Variants in OCA2 observed in about 807,000 individuals in gnomAD.
The protein encoded by OCA2 is P protein.
In OCA2, 77 loss-of-function variants were observed where a neutral mutation model predicts 100.2. The observed-to-expected ratio is 0.77, with a 90% confidence interval of 0.64 to 0.93. The LOEUF is 0.93. Ranked by LOEUF, OCA2 falls within the 40% of genes least tolerant of loss-of-function variation. OCA2 has a pLI of 0.00. For missense variants in OCA2, 1,062 were observed against 1,089.1 expected (o/e 0.98, Z 0.35); for synonymous variants, 432 against 439.2 (o/e 0.98, Z 0.21).
At chr15:27,769,547 C>G (rs1178047540) in intron 23 of OCA2, among the ~76,000 whole-genome samples, 1 of 152,124 alleles carries the variant, frequency 6.6e-6, no homozygotes, top group Non-Finnish European at 1.5e-5. Flanking sequence ...GCAGGGCACA[C>G]TGCTAAGGTG....
intron 15 of OCA2, among the ~76,000 whole-genome samples, chr15:27,963,814 T>C (rs916062102): frequency 4.6e-5 from 7 of 151,804 alleles, no homozygotes; most frequent in Non-Finnish European, 7.4e-5. Context: ...ATCTATATAA[T>C]CAAAAGCTGG....
chr15:27,734,286 C>CAAAAAAAAAAAA, the OCA2 span, among the ~76,000 whole-genome samples: 11 of 76,370 alleles, frequency 1.4e-4, 1 homozygote, highest in South Asian at 6.7e-4. Flanking sequence ...TTTTCAAGAG[C>CAAAAAAAAAAAA]AAAAAAAAAA....
chr15:27,899,063 G>A lies in OCA2; in HGVS notation c.2079+27064C>T, dbSNP rs151155617. Among the ~76,000 whole-genome samples the A allele has an allele frequency of 2.4e-3, 364 of 152,202 alleles. 2 individuals are homozygous for A. Among genetic ancestry groups the A allele is most frequent in the African/African-American group, 8.4e-3 (349 of 41,534 alleles). ...GTTAGCAAACTGAATCCATGAATAC[G>A]TGAAAATAATTATACACCATGACCA... On this transcript the variant is annotated intron_variant, in intron 19 of 23. Transcript: ENST00000354638.
chr15:27,890,484 A>G (rs926666685), intron 19 of OCA2, among the ~76,000 whole-genome samples: 10 of 152,228 alleles, frequency 6.6e-5, no homozygotes, highest in African/African-American at 2.4e-4. Flanking sequence ...CGTTACCTAC[A>G]GGAAAACACA....
At chr15:27,901,811 G>A (rs548448000) in intron 19 of OCA2, among the ~76,000 whole-genome samples, 41 of 152,310 alleles carry the variant, frequency 2.7e-4, no homozygotes, top group Non-Finnish European at 4.9e-4. Context: ...GTCCCCAGAC[G>A]TAGCAGGTCA....
intron 19 of OCA2, among the ~76,000 whole-genome samples, chr15:27,905,166 A>AC (rs2038126515): frequency 1.3e-5 from 2 of 151,354 alleles, no homozygotes; most frequent in South Asian, 4.2e-4. Flanking sequence ...TCCACCTCAA[A>AC]AAAAAAAAAA....
chr15:27,886,364 G>A (rs1390488561), intron 19 of OCA2, among the ~76,000 whole-genome samples: 1 of 152,146 alleles, frequency 6.6e-6, no homozygotes, highest in Non-Finnish European at 1.5e-5. Context: ...CTCATTCAAG[G>A]TTCTCAAACC....
Position 27,957,403 on chromosome 15 carries a change from A to G in OCA2, c.1784+185T>C, listed in dbSNP as rs1305370448. On this transcript the variant is annotated intron_variant, in intron 16 of 23. Transcript: ENST00000354638. The surrounding 1 kb of genome is among the most constrained non-coding windows in gnomAD (Gnocchi z 4.3). Reference sequence around the variant, plus strand: ...GTTTTGTGTTGTTTCTTTGGTCCTTAAACTCGGCTGTGTACCCCCTGCAGA... The same window carrying G: ...GTTTTGTGTTGTTTCTTTGGTCCTTGAACTCGGCTGTGTACCCCCTGCAGA... Among the ~76,000 whole-genome samples the G allele has an allele frequency of 6.6e-6, 1 of 152,134 alleles. No homozygotes were observed. The highest frequency in any genetic ancestry group is 1.5e-5 in the Non-Finnish European group (1 of 68,036).
At chr15:27,750,272 G>A (rs2311465), downstream of OCA2, among the ~76,000 whole-genome samples, 47,018 of 152,020 alleles carry the variant, frequency 0.31, 8,275 homozygotes, top group Non-Finnish European at 0.38. Context: ...CCTGTATATT[G>A]AAAAAGTTAC....
At chr15:27,893,461 A>G (rs566974084) in intron 19 of OCA2, among the ~76,000 whole-genome samples, 1 of 152,328 alleles carries the variant, frequency 6.6e-6, no homozygotes, top group Non-Finnish European at 1.5e-5. Context: ...TCAGGCAAAA[A>G]GAGCCATATT....
chr15:27,751,646 G>A (rs2030068483), downstream of OCA2, among the ~76,000 whole-genome samples: 1 of 152,196 alleles, frequency 6.6e-6, no homozygotes, highest in African/African-American at 2.4e-5. Flanking sequence ...TGCCACACTG[G>A]CTGCCCTGCC....
In OCA2 at chr15:27,946,515, G is replaced by A. The variant is rs193206029; in HGVS notation, c.1951+5269C>T. Among the ~76,000 whole-genome samples the A allele has an allele frequency of 9.9e-5, 15 of 152,254 alleles. No homozygotes were observed. The East Asian group carries it at 1.5e-3, about 16-fold the overall frequency. ...TTTCTGTACCTCACTTCCGATTCCC[G>A]TACGTCACTTTACCTTTTTTGTCTA... is the stretch of plus-strand genomic sequence containing the variant. On this transcript the variant is annotated intron_variant, in intron 18 of 23. Coordinates refer to ENST00000354638, the MANE Select transcript of OCA2 (RefSeq NM_000275.3).
intron 15 of OCA2, among the ~76,000 whole-genome samples, chr15:27,960,267 A>G (rs762197533): frequency 2.0e-5 from 3 of 152,226 alleles, no homozygotes; most frequent in Non-Finnish European, 4.4e-5. Flanking sequence ...TTTCCACATT[A>G]ACATTATTGT....
chr15:28,080,215 A>G (rs895153199), intron 2 of OCA2, among the ~76,000 whole-genome samples: 1 of 152,248 alleles, frequency 6.6e-6, no homozygotes, highest in Non-Finnish European at 1.5e-5. Context: ...CCTCGCTGGG[A>G]GAAGATCCTG....
chr15:28,007,520 G>C (rs1048790949), intron 9 of OCA2, among the ~76,000 whole-genome samples: 1 of 152,160 alleles, frequency 6.6e-6, no homozygotes, highest in East Asian at 1.9e-4. Context: ...CACGAGGTCA[G>C]GAGTTCGAGA....
chr15:27,999,366 T>A (rs12901737), intron 9 of OCA2, among the ~76,000 whole-genome samples: 2 of 152,120 alleles, frequency 1.3e-5, no homozygotes, highest in African/African-American at 2.4e-5. Flanking sequence ...ATAAAAATCA[T>A]AGGATCATCT....
chr15:28,056,644 G>A (rs1451128892), intron 2 of OCA2, among the ~76,000 whole-genome samples: 11 of 152,256 alleles, frequency 7.2e-5, no homozygotes, highest in African/African-American at 2.2e-4. Flanking sequence ...ACATGTGTGT[G>A]TGGAGGATGG....
rs557774432 is a variant in OCA2 at position 27,855,854 on chromosome 15, A to G, written c.2245-4379T>C. 4.4e-4 allele frequency among the ~76,000 whole-genome samples: 67 copies of G among 152,306 alleles called. 1 individual carries two copies. In the South Asian group the frequency reaches 0.013, roughly 29 times the overall value. On this transcript the variant is annotated intron_variant, in intron 21 of 23. Transcript: ENST00000354638. ...GCAGAGCAGGAAGCTCCAGGAATCTACCTCTGCCTAAAGGATGACTGAACT... is the reference window on the plus strand; with the variant it reads ...GCAGAGCAGGAAGCTCCAGGAATCTGCCTCTGCCTAAAGGATGACTGAACT...
At chr15:28,009,697 C>CAA (rs1195403420) in intron 9 of OCA2, among the ~76,000 whole-genome samples, 1 of 138,706 alleles carries the variant, frequency 7.2e-6, no homozygotes, top group African/African-American at 2.5e-5. Flanking sequence ...CACACACACA[C>CAA]ACACACACAC....
Sources: allele counts gnomAD v4.1 joint callset (sites outside exome capture counted in the v4.1 genomes callset), GRCh38; gene constraint gnomAD v4.1.1; non-coding constraint Gnocchi (gnomAD v3.1); transcripts MANE v1.5; gene names NCBI Gene and HGNC (gene_info 2026-07-23, HGNC 2026-07-21).